ADH7: variants seen among roughly 807,000 people sequenced by gnomAD.
ADH7 encodes alcohol dehydrogenase 7 (class IV), mu or sigma polypeptide.
In ADH7, 41 loss-of-function variants were observed where a neutral mutation model predicts 34.4. The observed-to-expected ratio is 1.19, with a 90% CI of 0.93 to 1.55. The LOEUF (loss-of-function observed/expected upper bound fraction) is 1.55, where lower values mean the gene tolerates loss of function less well. Ranked by LOEUF, ADH7 falls within the 40% of genes most tolerant of loss-of-function variation. The pLI is 0.00. For synonymous variants in ADH7, 180 were observed against 160.9 expected (o/e 1.12, Z -0.90); for missense variants, 540 against 461.2 (o/e 1.17, Z -1.56).
rs201288224 is a variant in ADH7 at position 99,427,846 on chromosome 4, G to A, written c.491C>T (p.Ala164Val). 9.9e-6 allele frequency: 16 copies of A among 1,612,768 alleles called. No individual in the cohort carries two copies. Among genetic ancestry groups the A allele is most frequent in the Non-Finnish European group, 1.4e-5 (16 of 1,179,392 alleles). Reference protein sequence around the residue: ...ESSVAKIDDAAPPEKVCLIGC... With the variant: ...ESSVAKIDDAVPPEKVCLIGC... The stretch of plus-strand genomic sequence containing the variant: ...AATTAAACAGACTTTCTCAGGAGGA[G>A]CTGCATCATCAATCTTAGCAACAGA... The change falls in exon 5 of 9, where the codon GCT becomes GTT. Residue 164 changes from alanine to valine, a missense_variant. Transcript: ENST00000437033.
intron 1 of ADH7, among the ~76,000 whole-genome samples, chr4:99,430,775 TG>T (rs1165484632): frequency 6.6e-6 from 1 of 152,138 alleles, no homozygotes; most frequent in Non-Finnish European, 1.5e-5. Context: ...AAATTCAAGC[TG>T]GATTCATTGT....
In ADH7 at chr4:99,427,770, T is replaced by C. The variant is rs371530957; in HGVS notation, c.564+3A>G. ...AAATAAACTAGCCTACCCTGTTTCT[T>C]ACCTTGCCAGTTTTAACAGCAGCGC... On this transcript the variant is annotated splice_donor_region_variant and intron_variant, in intron 5 of 8. Coordinates refer to ENST00000437033, the MANE Select transcript of ADH7 (RefSeq NM_000673.7). 1.3e-6 allele frequency: 2 copies of C among 1,527,822 alleles called. No individual in the cohort carries two copies. Among genetic ancestry groups the C allele is most frequent in the African/African-American group, 2.8e-5 (2 of 72,376 alleles). The allele number at this position is 1,527,822 out of a possible 1,614,324, so 94.6% of individuals were successfully genotyped here.
chr4:99,428,227 A>T lies in ADH7; in HGVS notation c.260-53T>A, dbSNP rs376999082. The T allele has an allele frequency of 4.1e-4, 621 of 1,511,216 alleles. 3 individuals are homozygous for T. The African/African-American group carries it at 7.4e-3, about 18-fold the overall frequency. 93.6% of individuals were successfully genotyped at this position (1,511,216 alleles called of 1,614,324 possible). A position where few individuals can be genotyped will look rare whatever the true frequency, so the allele number is the denominator to read the frequency against. On this transcript the variant is annotated intron_variant, in intron 3 of 8. Transcript: ENST00000437033. The stretch of plus-strand genomic sequence containing the variant: ...TGCTGTTCATTAATGTTAAAATATG[A>T]AATTAACAAATGTGAATTGAGCCCA...
chr4:99,432,922 C>A (rs1257261886), intron 1 of ADH7, among the ~76,000 whole-genome samples: 3 of 152,190 alleles, frequency 2.0e-5, no homozygotes, highest in African/African-American at 7.2e-5. Context: ...AAGTGGTCTT[C>A]CCATCTCAGC....
chr4:99,423,885 A>C (rs1476672024), intron 5 of ADH7, among the ~76,000 whole-genome samples: 1 of 152,022 alleles, frequency 6.6e-6, no homozygotes, highest in Non-Finnish European at 1.5e-5. Context: ...TAGTTTAATT[A>C]GATCCCATTT....
At chr4:99,423,131 G>GGT (rs1721707387) in intron 5 of ADH7, among the ~76,000 whole-genome samples, 1 of 149,092 alleles carries the variant, frequency 6.7e-6, no homozygotes, top group African/African-American at 2.5e-5. Context: ...TGCGGTGTTT[G>GGT]TTTTTTTGTC....
At chr4:99,423,181 T>C (rs1176781151) in intron 5 of ADH7, among the ~76,000 whole-genome samples, 1 of 151,410 alleles carries the variant, frequency 6.6e-6, no homozygotes, top group East Asian at 1.9e-4. Flanking sequence ...TCCAGCTTCA[T>C]CCATGTCCCT....
chr4:99,413,755 A>T (rs564221477), intron 8 of ADH7, among the ~76,000 whole-genome samples: 1 of 152,326 alleles, frequency 6.6e-6, no homozygotes, highest in South Asian at 2.1e-4. Flanking sequence ...TGTCCATGTC[A>T]GAAATGATTA....
At chr4:99,423,722 G>A (rs956048981) in intron 5 of ADH7, among the ~76,000 whole-genome samples, 2 of 152,046 alleles carry the variant, frequency 1.3e-5, no homozygotes, top group African/African-American at 4.8e-5. Context: ...TTTTGATGGG[G>A]TTGTTTGTTT....
rs188934135 is a variant in ADH7, at chr4:99,426,308, G to A, written c.564+1465C>T. On this transcript the variant is annotated intron_variant, in intron 5 of 8. Transcript: ENST00000437033. ...AAAGGATCAACAAAATTGATAGACCGCTAGCAAGACTAATAAAGAAAAAAA... is the reference window on the plus strand; with the variant it reads ...AAAGGATCAACAAAATTGATAGACCACTAGCAAGACTAATAAAGAAAAAAA... Among the ~76,000 whole-genome samples the A allele has an allele frequency of 4.1e-4, 62 of 152,012 alleles. No individual in the cohort carries two copies. The South Asian group carries it at 4.8e-3, about 12-fold the overall frequency.
At chr4:99,426,076 T>G (rs1347660139) in intron 5 of ADH7, among the ~76,000 whole-genome samples, 1 of 152,098 alleles carries the variant, frequency 6.6e-6, no homozygotes, top group Non-Finnish European at 1.5e-5. Flanking sequence ...AGAGAGAAAT[T>G]TACAGCACTA....
intron 7 of ADH7, among the ~76,000 whole-genome samples, chr4:99,417,322 A>G (rs1359769443): frequency 6.6e-6 from 1 of 151,512 alleles, no homozygotes; most frequent in African/African-American, 2.4e-5. Flanking sequence ...TTCTGTCCTC[A>G]CTCTGTTGTA....
chr4:99,416,822 T>C (rs1316335383), intron 7 of ADH7, among the ~76,000 whole-genome samples: 1 of 152,076 alleles, frequency 6.6e-6, no homozygotes, highest in Non-Finnish European at 1.5e-5. Context: ...CCTGCACAAG[T>C]GTAACCTGCC....
Position 99,420,614 on chromosome 4 carries a change from TTTGGTAGAGTCC to T in ADH7, c.732_743del (p.Asp245_Lys248del). 1 of 1,613,808 alleles carries T rather than the reference TTTGGTAGAGTCC, an allele frequency of 6.2e-7. No individual in the cohort carries two copies. Among genetic ancestry groups the T allele is most frequent in the Non-Finnish European group, 8.5e-7 (1 of 1,179,908 alleles). On this transcript the variant is annotated inframe_deletion, in exon 6 of 9. Transcript: ENST00000437033. ...TTTCTGACAGCACCTCACTGATGGG[TTTGGTAGAGTCC>T]TTGGGACTGATACACTCAGTGGCAC...
chr4:99,415,438 C>T, intron 8 of ADH7, 40 bp downstream of exon 8: 1 of 1,589,356 alleles, frequency 6.3e-7, no homozygotes, highest in Non-Finnish European at 8.6e-7. Flanking sequence ...TTAAAAGTAG[C>T]CTGTGGAGAA....
chr4:99,423,158 G>C (rs1721708535), intron 5 of ADH7, among the ~76,000 whole-genome samples: 6 of 149,986 alleles, frequency 4.0e-5, no homozygotes, highest in African/African-American at 1.5e-4. Context: ...ATAGTTTGCT[G>C]AGAATGATGG....
chr4:99,424,659 C>T (rs1721757823), intron 5 of ADH7, among the ~76,000 whole-genome samples: 1 of 152,140 alleles, frequency 6.6e-6, no homozygotes. Context: ...TGGGAGTTCA[C>T]TCATGATTTG....
intron 1 of ADH7, 116 bp from the exon 2 acceptor site, chr4:99,429,749 G>A: frequency 1.4e-6 from 1 of 718,496 alleles, no homozygotes; most frequent in Non-Finnish European, 2.2e-6. Flanking sequence ...TTTCCAGAAT[G>A]ATTTTCATCA....
intron 7 of ADH7, among the ~76,000 whole-genome samples, chr4:99,417,548 C>T (rs1179009971): frequency 1.3e-5 from 2 of 152,136 alleles, no homozygotes; most frequent in Non-Finnish European, 2.9e-5. Flanking sequence ...CGTTACCCAT[C>T]CTTTATTATT....
Sources: gnomAD v4.1 joint callset for allele counts (sites outside exome capture counted in the v4.1 genomes callset) on GRCh38, gnomAD v4.1.1 for gene constraint, MANE v1.5 for transcripts, NCBI Gene and HGNC (gene_info 2026-07-23, HGNC 2026-07-21) for gene names.